Variants in PTPRG observed in about 807,000 individuals in gnomAD.
The protein encoded by PTPRG is receptor-type tyrosine-protein phosphatase gamma.
A neutral mutation model predicts 165.3 loss-of-function variants in PTPRG; 102 were observed. The observed-to-expected ratio is 0.62, with a 90% CI of 0.53 to 0.73. The LOEUF (loss-of-function observed/expected upper bound fraction) is 0.73, where lower values mean the gene tolerates loss of function less well. Ranked by LOEUF, PTPRG falls within the 30% of genes least tolerant of loss-of-function variation. The probability of loss-of-function intolerance (pLI) is 0.00; values close to 1 mark genes in which losing one functional copy is unlikely to be tolerated. For missense variants in PTPRG, 1,866 were observed against 1,861.4 expected, an observed-to-expected ratio of 1.00 and a Z score of -0.05; for synonymous variants, 675 against 669.5, an observed-to-expected ratio of 1.01 and a Z score of -0.13.
intron 1 of PTPRG, among the ~76,000 whole-genome samples, chr3:61,656,141 A>G (rs1702503790): frequency 6.6e-6 from 1 of 151,660 alleles, no homozygotes; most frequent in Non-Finnish European, 1.5e-5. Flanking sequence ...CTGAGGAGGG[A>G]GGATCAGTTG....
intron 2 of PTPRG, among the ~76,000 whole-genome samples, chr3:61,918,107 TAAATG>T (rs1430112640): frequency 2.0e-5 from 3 of 152,062 alleles, no homozygotes; most frequent in Admixed American, 1.3e-4. Context: ...TGGTCAGTGA[TAAATG>T]AGATGAGGAG....
At chr3:61,621,807 G>C (rs1261309267) in intron 1 of PTPRG, among the ~76,000 whole-genome samples, 2 of 152,142 alleles carry the variant, frequency 1.3e-5, no homozygotes, top group African/African-American at 4.8e-5. Flanking sequence ...GGGCAAGCTG[G>C]TAAGTTCCTC....
At chr3:62,099,791 A>ATT (rs1379766555) in intron 5 of PTPRG, among the ~76,000 whole-genome samples, 1 of 133,878 alleles carries the variant, frequency 7.5e-6, no homozygotes. Flanking sequence ...TAAGTGTTAA[A>ATT]TCTTTTTTTT....
At chr3:61,791,588 A>G (rs971951591) in intron 2 of PTPRG, among the ~76,000 whole-genome samples, 1 of 152,158 alleles carries the variant, frequency 6.6e-6, no homozygotes, top group Non-Finnish European at 1.5e-5. Context: ...CCCAGGTTCA[A>G]GCGATTCTCC....
chr3:61,897,579 T>C (rs1194782410), intron 2 of PTPRG, among the ~76,000 whole-genome samples: 4 of 152,222 alleles, frequency 2.6e-5, no homozygotes, highest in Admixed American at 1.3e-4. Flanking sequence ...GCCTGTGCTA[T>C]TCTATAGAAG....
rs973195170 is a variant in PTPRG at position 62,022,810 on chromosome 3, G to A, written c.519+19313G>A. Among the ~76,000 whole-genome samples the A allele has an allele frequency of 5.3e-5, 8 of 152,138 alleles. No individual in the cohort carries two copies. In the East Asian group the frequency reaches 1.2e-3, roughly 22 times the overall value. ...TTCAAAGGTATTTTGTATAGAAGCTGTAAGTTGCTTTTCTGTAGAACTACT... is the reference window on the plus strand; with the variant it reads ...TTCAAAGGTATTTTGTATAGAAGCTATAAGTTGCTTTTCTGTAGAACTACT... On this transcript the variant is annotated intron_variant, in intron 4 of 29. Transcript: ENST00000474889.
At chr3:61,847,925 A>T (rs542871540) in intron 2 of PTPRG, among the ~76,000 whole-genome samples, 2 of 152,260 alleles carry the variant, frequency 1.3e-5, no homozygotes, top group Admixed American at 1.3e-4. Context: ...CTATATAGAG[A>T]GCTTCCCTTT....
At chr3:61,861,136 G>A (rs1024131439) in intron 2 of PTPRG, among the ~76,000 whole-genome samples, 11 of 152,050 alleles carry the variant, frequency 7.2e-5, no homozygotes, top group African/African-American at 1.2e-4. Context: ...ATCAATCATT[G>A]GTTTCTTTTT....
chr3:62,225,561 T>C (rs1255424321), intron 13 of PTPRG, among the ~76,000 whole-genome samples: 1 of 151,854 alleles, frequency 6.6e-6, no homozygotes. Flanking sequence ...GCATAGAAGG[T>C]AGTTCTTATT....
At chr3:62,287,442 TGAA>T (rs753249859) in intron 28 of PTPRG, among the ~76,000 whole-genome samples, 92 of 152,016 alleles carry the variant, frequency 6.1e-4, no homozygotes, top group Admixed American at 3.9e-4. Context: ...TTTTATGAAA[TGAA>T]GAACATTTAT....
intron 13 of PTPRG, among the ~76,000 whole-genome samples, chr3:62,225,282 G>A (rs1455414191): frequency 6.6e-6 from 1 of 152,184 alleles, no homozygotes; most frequent in African/African-American, 2.4e-5. Context: ...AAGACTTGGA[G>A]CAGCACAGCT....
chr3:61,662,594 T>C (rs1559545836), intron 1 of PTPRG, among the ~76,000 whole-genome samples: 2 of 152,196 alleles, frequency 1.3e-5, no homozygotes, highest in Admixed American at 1.3e-4. Context: ...GATAATTTGT[T>C]ACACAGTAAT....
At chr3:61,704,602 G>A (rs1213644937) in intron 1 of PTPRG, among the ~76,000 whole-genome samples, 1 of 146,648 alleles carries the variant, frequency 6.8e-6, no homozygotes, top group Non-Finnish European at 1.5e-5. Flanking sequence ...TTGACTTTGA[G>A]AGCCACTAGT....
intron 2 of PTPRG, among the ~76,000 whole-genome samples, chr3:61,831,364 C>T (rs939100454): frequency 6.6e-6 from 1 of 152,218 alleles, no homozygotes; most frequent in Non-Finnish European, 1.5e-5. Context: ...ATAATTTTGT[C>T]ATTTGACTTG....
At chr3:61,568,299 A>C (rs1294462932) in intron 1 of PTPRG, among the ~76,000 whole-genome samples, 1 of 152,242 alleles carries the variant, frequency 6.6e-6, no homozygotes, top group Admixed American at 6.5e-5. Flanking sequence ...AAAGTAATAC[A>C]GGTAAATTTC....
chr3:62,000,474 A>T (rs964494583), intron 3 of PTPRG, among the ~76,000 whole-genome samples: 3 of 152,156 alleles, frequency 2.0e-5, no homozygotes, highest in Non-Finnish European at 4.4e-5. Context: ...ATCCAGAGAG[A>T]GAAGCATCCA....
rs1233679653 is a variant in PTPRG at position 61,995,080 on chromosome 3, C to CTTTTTTTTTTTT, written c.370+5279_370+5280insTTTTTTTTTTTT. On this transcript the variant is annotated intron_variant, in intron 3 of 29. Coordinates refer to ENST00000474889, the MANE Select transcript of PTPRG (RefSeq NM_002841.4). ...TTCTTTTTTCTTTTTTCTTTTCTTT[C>CTTTTTTTTTTTT]TTTCTTTTTTTTTTTTTTTTTTTTT... 4.4e-4 allele frequency among the ~76,000 whole-genome samples: 47 copies of CTTTTTTTTTTTT among 107,388 alleles called. 1 individual carries two copies. The highest frequency in any genetic ancestry group is 1.5e-3 in the African/African-American group (37 of 24,236). 70.5% of individuals were successfully genotyped at this position (107,388 alleles called of 152,430 possible).
At chr3:61,752,799 A>AAAAGAAAAG (rs1426266049) in intron 2 of PTPRG, among the ~76,000 whole-genome samples, 1 of 53,766 alleles carries the variant, frequency 1.9e-5, no homozygotes, top group Non-Finnish European at 4.7e-5. Context: ...AAAAAAAAAA[A>AAAAGAAAAG]AAGAAAAAAA....
chr3:62,146,934 A>G (rs910028157), intron 6 of PTPRG, among the ~76,000 whole-genome samples: 5 of 152,200 alleles, frequency 3.3e-5, no homozygotes, highest in African/African-American at 9.6e-5. Context: ...TCTTTTAGCC[A>G]TGTATGAAAG....
Sources: gnomAD v4.1 joint callset for allele counts (sites outside exome capture counted in the v4.1 genomes callset) on GRCh38, gnomAD v4.1.1 for gene constraint, MANE v1.5 for transcripts, NCBI Gene and HGNC (gene_info 2026-07-23, HGNC 2026-07-21) for gene names.